Variants in GULP1 observed in about 807,000 individuals in gnomAD.
GULP1 encodes PTB domain-containing engulfment adapter protein 1.
A neutral mutation model predicts 40.9 loss-of-function variants in GULP1; 19 were observed. The ratio of observed to expected loss-of-function variants is 0.46; its 90% CI spans 0.32 to 0.68. The LOEUF (loss-of-function observed/expected upper bound fraction) is 0.68, where lower values mean the gene tolerates loss of function less well. GULP1 is among the 30% of genes least tolerant of loss of function. The pLI is 0.03. For missense variants in GULP1, 312 were observed against 362.2 expected (o/e 0.86, Z 1.12); for synonymous variants, 119 against 117.6 (o/e 1.01, Z -0.08).
intron 10 of GULP1, among the ~76,000 whole-genome samples, chr2:188,586,361 CTTCCCTTTCATTAATTCATT>C (rs1322665576): frequency 1.3e-5 from 2 of 152,150 alleles, no homozygotes; most frequent in Non-Finnish European, 2.9e-5. Flanking sequence ...TTCACCAAAT[CTTCCCTTTCATTAATTCATT>C]TTTTAACAAA....
chr2:188,522,700 G>T (rs1685160722), intron 4 of GULP1, 56 bp from the exon 5 acceptor site: 1 of 1,001,594 alleles, frequency 1.0e-6, no homozygotes, highest in Admixed American at 1.7e-5. Flanking sequence ...ATTTCAACAT[G>T]ATGCAATGAT....
At chr2:188,409,176 A>G (rs1270248246) in intron 2 of GULP1, among the ~76,000 whole-genome samples, 3 of 152,158 alleles carry the variant, frequency 2.0e-5, no homozygotes, top group Admixed American at 6.5e-5. Flanking sequence ...AACAATAACA[A>G]AGAGCAACAA....
intron 2 of GULP1, among the ~76,000 whole-genome samples, chr2:188,456,428 G>C (rs66732509): frequency 0.29 from 43,907 of 152,028 alleles, 7,540 homozygotes; most frequent in African/African-American, 0.49. Flanking sequence ...TGAAATGGAC[G>C]AATGTAGAGC....
At chr2:188,361,975 T>C (rs1044013290) in intron 1 of GULP1, among the ~76,000 whole-genome samples, 4 of 152,114 alleles carry the variant, frequency 2.6e-5, no homozygotes, top group Non-Finnish European at 2.9e-5. Context: ...TTGTAAATAC[T>C]GAGATTTATT....
rs181677907 is a variant in GULP1 at position 188,497,043 on chromosome 2, A to G, written c.90+13551A>G. Among the ~76,000 whole-genome samples, 547 of 152,090 alleles carry G rather than the reference A, an allele frequency of 3.6e-3. 2 individuals are homozygous for G. The highest frequency in any genetic ancestry group is 6.8e-3 in the Non-Finnish European group (464 of 67,928). ...GCCAATTAAACCTCTATTATTTATCAGTTACCCATTCTCAGGTATTTCTTT... is the reference window on the plus strand; with the variant it reads ...GCCAATTAAACCTCTATTATTTATCGGTTACCCATTCTCAGGTATTTCTTT... On this transcript the variant is annotated intron_variant, in intron 4 of 11. Coordinates refer to ENST00000409830, the MANE Select transcript of GULP1 (RefSeq NM_016315.4).
At chr2:188,321,039 A>G (rs1464643749) in intron 1 of GULP1, among the ~76,000 whole-genome samples, 1 of 152,052 alleles carries the variant, frequency 6.6e-6, no homozygotes, top group Non-Finnish European at 1.5e-5. Context: ...CCCTTGGTAT[A>G]TATTCATGTT....
chr2:188,420,695 T>C (rs1274498442), intron 2 of GULP1, among the ~76,000 whole-genome samples: 3 of 152,150 alleles, frequency 2.0e-5, no homozygotes, highest in African/African-American at 7.2e-5. Flanking sequence ...TCCAGGGTTT[T>C]TATGGACTTA....
intron 1 of GULP1, among the ~76,000 whole-genome samples, chr2:188,333,578 A>C (rs1337783308): frequency 6.6e-6 from 1 of 152,166 alleles, no homozygotes; most frequent in African/African-American, 2.4e-5. Context: ...TCTTAGCTTA[A>C]GGAAAATAAA....
At chr2:188,571,219 AT>A (rs1698966873) in intron 9 of GULP1, among the ~76,000 whole-genome samples, 1 of 152,090 alleles carries the variant, frequency 6.6e-6, no homozygotes, top group Admixed American at 6.6e-5. Flanking sequence ...TTGTTGCAAA[AT>A]TTTTTATGGA....
At chr2:188,440,205 G>A (rs895700529) in intron 2 of GULP1, among the ~76,000 whole-genome samples, 2 of 152,192 alleles carry the variant, frequency 1.3e-5, no homozygotes, top group Admixed American at 6.6e-5. Flanking sequence ...CAAATCTATT[G>A]TTGGGAAGCT....
At chr2:188,504,279 A>C (rs1427617289) in intron 4 of GULP1, among the ~76,000 whole-genome samples, 2 of 151,932 alleles carry the variant, frequency 1.3e-5, no homozygotes, top group Non-Finnish European at 2.9e-5. Context: ...TTTGGAAAAC[A>C]TGACTGTAGA....
intron 3 of GULP1, among the ~76,000 whole-genome samples, chr2:188,478,847 C>G (rs1161958498): frequency 2.0e-5 from 3 of 152,086 alleles, no homozygotes; most frequent in Middle Eastern, 3.2e-3. Flanking sequence ...TGTTCAGTAT[C>G]AGGCAGTTGG....
chr2:188,565,638 T>C (rs1025113298), intron 7 of GULP1, among the ~76,000 whole-genome samples: 1 of 152,072 alleles, frequency 6.6e-6, no homozygotes, highest in South Asian at 2.1e-4. Context: ...CAGTTTCTTA[T>C]AATGTTAAAC....
intron 6 of GULP1, among the ~76,000 whole-genome samples, chr2:188,533,929 G>T (rs1688224591): frequency 6.6e-6 from 1 of 152,094 alleles, no homozygotes; most frequent in South Asian, 2.1e-4. Flanking sequence ...ACCACAATGA[G>T]ATACAATCAC....
intron 7 of GULP1, among the ~76,000 whole-genome samples, chr2:188,568,173 T>A (rs944748725): frequency 6.6e-6 from 1 of 152,144 alleles, no homozygotes; most frequent in African/African-American, 2.4e-5. Flanking sequence ...TATAAGATGA[T>A]TAACAAAGCA....
intron 7 of GULP1, among the ~76,000 whole-genome samples, chr2:188,557,342 A>C (rs1695026154): frequency 6.6e-6 from 1 of 152,230 alleles, no homozygotes; most frequent in South Asian, 2.1e-4. Context: ...ATTAATTCCA[A>C]CATACAATGG....
intron 4 of GULP1, among the ~76,000 whole-genome samples, chr2:188,508,916 A>G (rs2064209048): frequency 1.3e-5 from 2 of 151,884 alleles, no homozygotes; most frequent in Admixed American, 6.6e-5. Context: ...ACTTGTAAGT[A>G]CAGGGGACAT....
chr2:188,584,294 C>T lies in GULP1; in HGVS notation c.639C>T (p.Ser213=), dbSNP rs776119964. Residue 213 remains serine, a synonymous_variant, in exon 10 of 12, where the codon TCC becomes TCT. Coordinates refer to ENST00000409830, the MANE Select transcript of GULP1 (RefSeq NM_016315.4). ...GCAGTATGACACCTAAGTCGCCCTC[C>T]ACTGACATCTTTGATATGATTCCAT... ...PAGSMTPKSP[S]TDIFDMIPFS... 1 of 1,608,774 alleles carries T rather than the reference C, an allele frequency of 6.2e-7. No homozygotes were observed. Among genetic ancestry groups the T allele is most frequent in the South Asian group, 1.1e-5 (1 of 90,800 alleles).
chr2:188,407,582 T>G (rs1435965862), intron 2 of GULP1, among the ~76,000 whole-genome samples: 1 of 152,168 alleles, frequency 6.6e-6, no homozygotes, highest in African/African-American at 2.4e-5. Flanking sequence ...AAATAGCCTC[T>G]TTTAACTGTA....
Sources: allele counts gnomAD v4.1 joint callset (sites outside exome capture counted in the v4.1 genomes callset), GRCh38; gene constraint gnomAD v4.1.1; transcripts MANE v1.5; gene names NCBI Gene and HGNC (gene_info 2026-07-23, HGNC 2026-07-21).